The following INPP4B variants were observed in gnomAD, a reference collection of about 807,000 sequenced individuals.
The protein encoded by INPP4B is inositol polyphosphate 4-phosphatase type II.
In INPP4B, 55 loss-of-function variants were observed where a neutral mutation model predicts 122.5. The observed-to-expected ratio is 0.45, with a 90% CI of 0.36 to 0.56. INPP4B has a LOEUF of 0.56. Ranked by LOEUF, INPP4B falls within the 20% of genes least tolerant of loss-of-function variation. The probability of loss-of-function intolerance (pLI) is 0.00; values close to 1 mark genes in which losing one functional copy is unlikely to be tolerated. For synonymous variants in INPP4B, 403 were observed against 388.7 expected (o/e 1.04, Z -0.43); for missense variants, 1,000 against 1,097.7 (o/e 0.91, Z 1.26).
At chr4:142,253,378 G>C (rs191670922) in intron 11 of INPP4B, among the ~76,000 whole-genome samples, 291 of 152,296 alleles carry the variant, frequency 1.9e-3, no homozygotes, top group Non-Finnish European at 3.0e-3. Flanking sequence ...GAACAGCTCC[G>C]GTCTACAGCT....
At chr4:142,675,394 A>T (rs1757603905) in intron 2 of INPP4B, among the ~76,000 whole-genome samples, 1 of 152,200 alleles carries the variant, frequency 6.6e-6, no homozygotes, top group African/African-American at 2.4e-5. Context: ...GACCAGACAG[A>T]TTTACATCTG....
At chr4:142,601,710 C>T (rs2150299263) in intron 2 of INPP4B, among the ~76,000 whole-genome samples, 1 of 151,878 alleles carries the variant, frequency 6.6e-6, no homozygotes, top group East Asian at 1.9e-4. Context: ...TGGCTCATGC[C>T]TGTAATCCCA....
chr4:142,223,206 A>ACACACACACT, intron 12 of INPP4B, among the ~76,000 whole-genome samples: 1 of 152,056 alleles, frequency 6.6e-6, no homozygotes, highest in East Asian at 1.9e-4. Flanking sequence ...ACACACACAC[A>ACACACACACT]CACACACACT....
At chr4:142,519,545 C>T (rs1825824653) in intron 2 of INPP4B, among the ~76,000 whole-genome samples, 1 of 152,098 alleles carries the variant, frequency 6.6e-6, no homozygotes, top group Non-Finnish European at 1.5e-5. Context: ...TTAAGAGGGA[C>T]ATCTGCCTGA....
At chr4:142,199,347 C>CACACACACAAAGATGCACATGT (rs1839726029) in intron 14 of INPP4B, among the ~76,000 whole-genome samples, 1 of 151,860 alleles carries the variant, frequency 6.6e-6, no homozygotes, top group African/African-American at 2.4e-5. Context: ...TACACATTCA[C>CACACACACAAAGATGCACATGT]ACACACACAA....
chr4:142,262,676 T>C (rs1032081112), intron 10 of INPP4B, among the ~76,000 whole-genome samples: 23 of 152,288 alleles, frequency 1.5e-4, no homozygotes, highest in Admixed American at 9.2e-4. Flanking sequence ...CAGAACCTAG[T>C]AGAATGCTTA....
chr4:142,284,216 G>A (rs113799077), intron 9 of INPP4B, among the ~76,000 whole-genome samples: 2,373 of 152,210 alleles, frequency 0.016, 61 homozygotes, highest in African/African-American at 0.054. Context: ...GAGGACCAGA[G>A]AAATGGGACA....
At chr4:142,204,895 C>T (rs1164361399) in intron 14 of INPP4B, among the ~76,000 whole-genome samples, 1 of 152,036 alleles carries the variant, frequency 6.6e-6, no homozygotes, top group Non-Finnish European at 1.5e-5. Flanking sequence ...ATAAGTTTGG[C>T]TATTTTAGCA....
At chr4:142,595,914 A>G (rs1738594577) in intron 2 of INPP4B, among the ~76,000 whole-genome samples, 1 of 152,034 alleles carries the variant, frequency 6.6e-6, no homozygotes, top group Non-Finnish European at 1.5e-5. Context: ...CAGTGGCACC[A>G]TCTTGGCTCA....
intron 17 of INPP4B, among the ~76,000 whole-genome samples, chr4:142,159,929 G>A (rs1021475750): frequency 2.6e-5 from 4 of 152,038 alleles, no homozygotes; most frequent in Admixed American, 6.6e-5. Context: ...GTCTATTGTC[G>A]TTTAAATGTG....
intron 2 of INPP4B, among the ~76,000 whole-genome samples, chr4:142,652,029 G>C (rs1168346861): frequency 1.3e-5 from 2 of 152,022 alleles, no homozygotes; most frequent in African/African-American, 2.4e-5. Flanking sequence ...ACCACTATCA[G>C]GTCAGCTTCA....
At chr4:142,348,948 T>C (rs1271888067) in intron 7 of INPP4B, among the ~76,000 whole-genome samples, 3 of 151,978 alleles carry the variant, frequency 2.0e-5, no homozygotes, top group African/African-American at 7.2e-5. Flanking sequence ...AGCTCAGCCT[T>C]GCCAGCACCA....
intron 23 of INPP4B, among the ~76,000 whole-genome samples, chr4:142,088,826 C>T (rs1778075542): frequency 2.0e-5 from 3 of 152,056 alleles, no homozygotes; most frequent in African/African-American, 2.4e-5. Flanking sequence ...TATAAAGACC[C>T]GAATTCAAAA....
chr4:142,556,702 T>A (rs1040246331), intron 2 of INPP4B, among the ~76,000 whole-genome samples: 2 of 141,012 alleles, frequency 1.4e-5, no homozygotes, highest in East Asian at 8.9e-4. Context: ...GCTGATGTGT[T>A]ATTTAGGAAA....
intron 2 of INPP4B, among the ~76,000 whole-genome samples, chr4:142,537,549 A>T (rs1054239915): frequency 4.0e-5 from 6 of 151,048 alleles, no homozygotes; most frequent in African/African-American, 1.5e-4. Context: ...CACGTAAAGT[A>T]AGTCCTCACC....
In INPP4B at chr4:142,260,266, G is replaced by A. The variant is rs181335956; in HGVS notation, c.688+226C>T. On this transcript the variant is annotated intron_variant, in intron 11 of 25. Transcript: ENST00000262992. ...CCCAAAGTGCTGGGATTACGGACGT[G>A]AGCCACCGCGCCTGGCTGACCATAT... 2.2e-4 allele frequency among the ~76,000 whole-genome samples: 33 copies of A among 152,222 alleles called. No homozygotes were observed. The East Asian group carries it at 5.8e-3, about 27-fold the overall frequency.
chr4:142,649,374 G>A (rs1752458177), intron 2 of INPP4B, among the ~76,000 whole-genome samples: 1 of 152,202 alleles, frequency 6.6e-6, no homozygotes, highest in Admixed American at 6.5e-5. Context: ...GAAAGACTTT[G>A]ACAAGTTGAC....
intron 3 of INPP4B, among the ~76,000 whole-genome samples, chr4:142,455,280 C>T (rs186003834): frequency 9.2e-5 from 14 of 152,034 alleles, no homozygotes; most frequent in East Asian, 1.9e-4. Context: ...TAATTATTTT[C>T]GTACACATTA....
Position 142,550,431 on chromosome 4 carries a change from A to C in INPP4B, c.-190-87705T>G, listed in dbSNP as rs111579613. ...AGTAATCTTGGTAGAGAAGTGGCTC[A>C]AGAGGGCAGGCATACCTTATTCTTT... On this transcript the variant is annotated intron_variant, in intron 2 of 25. Coordinates refer to ENST00000262992, the MANE Select transcript of INPP4B (RefSeq NM_001101669.3). Among the ~76,000 whole-genome samples, 1,114 of 152,104 alleles carry C rather than the reference A, an allele frequency of 7.3e-3. 20 individuals carry two copies. Among genetic ancestry groups the C allele is most frequent in the African/African-American group, 0.025 (1,045 of 41,506 alleles).
Sources: allele counts gnomAD v4.1 joint callset (sites outside exome capture counted in the v4.1 genomes callset), GRCh38; gene constraint gnomAD v4.1.1; transcripts MANE v1.5; gene names NCBI Gene and HGNC (gene_info 2026-07-23, HGNC 2026-07-21).